CPED1: variants seen among roughly 807,000 people sequenced by gnomAD.
CPED1 encodes the protein cadherin-like and PC-esterase domain-containing protein 1.
Under a neutral mutation model 128.2 loss-of-function variants are expected in CPED1, and 114 were observed. The observed-to-expected ratio is 0.89, with a 90% CI of 0.76 to 1.04. The LOEUF is 1.04. Ranked by LOEUF, CPED1 falls within the 50% of genes least tolerant of loss-of-function variation. The pLI is 0.00. For synonymous variants in CPED1, 462 were observed against 426.7 expected (o/e 1.08, Z -1.02); for missense variants, 1,211 against 1,207.1 (o/e 1.00, Z -0.05).
At chr7:121,236,332 AT>A (rs1798254076) in intron 16 of CPED1, among the ~76,000 whole-genome samples, 2 of 152,114 alleles carry the variant, frequency 1.3e-5, no homozygotes, top group African/African-American at 4.8e-5. Context: ...TTAAAATGAA[AT>A]TCATCTGTTA....
At chr7:121,052,430 C>T (rs1793378507) in intron 4 of CPED1, among the ~76,000 whole-genome samples, 2 of 152,188 alleles carry the variant, frequency 1.3e-5, no homozygotes, top group Admixed American at 1.3e-4. Context: ...ACCCTTTGCG[C>T]CATCACTCAC....
chr7:121,031,117 A>G (rs1363502421), intron 3 of CPED1, among the ~76,000 whole-genome samples: 1 of 152,226 alleles, frequency 6.6e-6, no homozygotes, highest in Non-Finnish European at 1.5e-5. Flanking sequence ...TCTTTTTAGC[A>G]TATTATTGTA....
At chr7:121,155,590 C>G (rs1020069162) in intron 16 of CPED1, among the ~76,000 whole-genome samples, 1 of 152,108 alleles carries the variant, frequency 6.6e-6, no homozygotes, top group Non-Finnish European at 1.5e-5. Context: ...CTTAAGATGC[C>G]ACAAACATAT....
chr7:121,026,869 T>C (rs1792604075), intron 3 of CPED1, among the ~76,000 whole-genome samples: 1 of 143,816 alleles, frequency 7.0e-6, no homozygotes, highest in Non-Finnish European at 1.5e-5. Flanking sequence ...CTGGCTTTGT[T>C]GCCCAGGCTG....
chr7:121,026,827 CTTTTT>C (rs71170219), intron 3 of CPED1, among the ~76,000 whole-genome samples: 6 of 83,444 alleles, frequency 7.2e-5, no homozygotes, highest in South Asian at 9.7e-4. Flanking sequence ...CCTGTCAGTT[CTTTTT>C]TTTTTTTTTT....
At position 121,124,432 on chromosome 7, in the gene CPED1, A is replaced by G. The variant is rs756463039; in HGVS notation, c.1020A>G (p.Val340=). 2 of 1,600,504 alleles carry G rather than the reference A, an allele frequency of 1.2e-6. No individual in the cohort carries two copies. Among genetic ancestry groups the G allele is most frequent in the Non-Finnish European group, 8.5e-7 (1 of 1,172,062 alleles). Residue 340 remains valine, a synonymous_variant, in exon 8 of 23, where the codon GTA becomes GTG. Coordinates refer to ENST00000310396, the MANE Select transcript of CPED1 (RefSeq NM_024913.5). ...GCAAACTACTGCTAGCGGCTGAAGT[A>G]TTCAGTGAAACATCTACTCTGGGAC... ...AIGKLLLAAE[V]FSETSTLGPK... is the part of the protein sequence containing the mutation.
intron 4 of CPED1, chr7:121,051,267 T>G: frequency 4.3e-6 from 2 of 466,464 alleles, no homozygotes; most frequent in East Asian, 1.2e-4. Flanking sequence ...TCCAGAGGAA[T>G]ATTTTTACCA....
intron 16 of CPED1, among the ~76,000 whole-genome samples, chr7:121,171,356 A>G (rs572228864): frequency 6.6e-6 from 1 of 152,312 alleles, no homozygotes; most frequent in African/African-American, 2.4e-5. Flanking sequence ...GAAAAATGTA[A>G]TGTCTAGAGT....
At chr7:121,207,011 C>T (rs534009241) in intron 16 of CPED1, among the ~76,000 whole-genome samples, 2 of 152,078 alleles carry the variant, frequency 1.3e-5, no homozygotes, top group Non-Finnish European at 2.9e-5. Flanking sequence ...GTAATAGTGG[C>T]CTGCAACTTT....
intron 16 of CPED1, among the ~76,000 whole-genome samples, chr7:121,189,961 G>A (rs569608028): frequency 1.5e-3 from 229 of 151,468 alleles, no homozygotes; most frequent in African/African-American, 5.2e-3. Flanking sequence ...GGCAACAACA[G>A]TGAACAAGAA....
At chr7:121,012,843 A>C (rs1792196002) in intron 2 of CPED1, among the ~76,000 whole-genome samples, 1 of 152,194 alleles carries the variant, frequency 6.6e-6, no homozygotes, top group Non-Finnish European at 1.5e-5. Flanking sequence ...CAATAATTAA[A>C]CTTTATTTAG....
rs962931614 is a variant in CPED1 at position 120,989,453 on chromosome 7, C to T, written c.-169C>T. On this transcript the variant is annotated 5_prime_UTR_variant, in exon 2 of 23. Transcript: ENST00000310396. Reference sequence around the variant, plus strand: ...TATTAAAAGCCTCAGACTTTCGGGACCTATGATTCTTTGGCACAACCTTTT... The same window carrying T: ...TATTAAAAGCCTCAGACTTTCGGGATCTATGATTCTTTGGCACAACCTTTT... The T allele has an allele frequency of 8.0e-6, 6 of 747,620 alleles. No homozygotes were observed. The highest frequency in any genetic ancestry group is 1.3e-5 in the Non-Finnish European group (6 of 466,460). 46.3% of individuals were successfully genotyped at this position (747,620 alleles called of 1,614,324 possible). A position where few individuals can be genotyped will look rare whatever the true frequency, so the allele number is the denominator to read the frequency against.
Position 120,989,755 on chromosome 7 carries a change from C to A in CPED1, c.134C>A (p.Ala45Asp), listed in dbSNP as rs1796279560. ...GGGTCGAGGAAGCTCACAGCCGCTGCCCCTGGGGCTGTCCCACACACATCC... is the reference window on the plus strand; with the variant it reads ...GGGTCGAGGAAGCTCACAGCCGCTGACCCTGGGGCTGTCCCACACACATCC... Reference protein sequence around the residue: ...LRGSRKLTAAAPGAVPHTSTE... With the variant: ...LRGSRKLTAADPGAVPHTSTE... Residue 45 changes from alanine (A) to aspartate (D), a missense_variant, in exon 2 of 23, where the codon GCC becomes GAC. Physicochemically the swap from Ala to Asp is moderately radical, Grantham distance 126. Coordinates refer to ENST00000310396, the MANE Select transcript of CPED1 (RefSeq NM_024913.5). 1.2e-6 allele frequency: 2 copies of A among 1,613,800 alleles called. No individual in the cohort carries two copies. The highest frequency in any genetic ancestry group is 1.7e-5 in the Admixed American group (1 of 59,966).
chr7:121,078,790 C>T (rs1794206318), intron 5 of CPED1, among the ~76,000 whole-genome samples: 1 of 152,148 alleles, frequency 6.6e-6, no homozygotes, highest in Non-Finnish European at 1.5e-5. Context: ...AATGGTTGGG[C>T]TGAGGCTGCT....
intron 18 of CPED1, among the ~76,000 whole-genome samples, chr7:121,257,653 TGAATA>T (rs1255595633): frequency 2.0e-5 from 3 of 152,052 alleles, no homozygotes; most frequent in Admixed American, 6.6e-5. Flanking sequence ...GCTTCACTTA[TGAATA>T]GGAGTAGGTG....
intron 5 of CPED1, among the ~76,000 whole-genome samples, chr7:121,084,971 T>G (rs1459256462): frequency 6.6e-6 from 1 of 152,262 alleles, no homozygotes; most frequent in African/African-American, 2.4e-5. Context: ...TAAATTTCAG[T>G]AGCATTGCTC....
At chr7:121,234,098 A>G (rs1386812802) in intron 16 of CPED1, among the ~76,000 whole-genome samples, 1 of 152,108 alleles carries the variant, frequency 6.6e-6, no homozygotes, top group Non-Finnish European at 1.5e-5. Flanking sequence ...CCTTTTAGCT[A>G]TGAGAGACTG....
chr7:121,070,128 A>C (rs1228210443), intron 5 of CPED1, among the ~76,000 whole-genome samples: 1 of 151,088 alleles, frequency 6.6e-6, no homozygotes, highest in Non-Finnish European at 1.5e-5. Flanking sequence ...AGCTTTAAAA[A>C]TTATAGATAC....
chr7:121,132,040 G>A (rs979290000), intron 12 of CPED1, among the ~76,000 whole-genome samples: 3 of 150,848 alleles, frequency 2.0e-5, no homozygotes, highest in African/African-American at 7.3e-5. Flanking sequence ...ACCTTACTAC[G>A]TTTGTCAACA....
Sources: allele counts gnomAD v4.1 joint callset (sites outside exome capture counted in the v4.1 genomes callset), GRCh38; gene constraint gnomAD v4.1.1; transcripts MANE v1.5; gene names NCBI Gene and HGNC (gene_info 2026-07-23, HGNC 2026-07-21).